C12orf42: variants seen among roughly 807,000 people sequenced by gnomAD.
The protein encoded by C12orf42 is chromosome 12 open reading frame 42, also known as uncharacterized protein C12orf42.
In C12orf42, 25 loss-of-function variants were observed where a neutral mutation model predicts 21.6. That is an observed-to-expected ratio of 1.16 (90% CI 0.84 to 1.62). The LOEUF (loss-of-function observed/expected upper bound fraction) is 1.62, where lower values mean the gene tolerates loss of function less well. Ranked by LOEUF, C12orf42 falls within the 40% of genes most tolerant of loss-of-function variation. C12orf42 has a pLI of 0.00. For synonymous variants in C12orf42, 174 were observed against 175.0 expected (o/e 0.99, Z 0.05); for missense variants, 483 against 459.3 (o/e 1.05, Z -0.47).
the C12orf42 span, among the ~76,000 whole-genome samples, chr12:103,225,090 G>T: frequency 6.8e-6 from 1 of 147,028 alleles, no homozygotes; most frequent in African/African-American, 2.5e-5. Context: ...TGGGTGTCAG[G>T]GTCAGTCTAA....
At chr12:103,133,156 C>G in the C12orf42 span, among the ~76,000 whole-genome samples, 1 of 152,184 alleles carries the variant, frequency 6.6e-6, no homozygotes, top group Non-Finnish European at 1.5e-5. Flanking sequence ...CTCATCCAAC[C>G]TGCTACTACC....
At chr12:103,423,842 T>A (rs1299455645) in intron 2 of C12orf42, among the ~76,000 whole-genome samples, 1 of 152,224 alleles carries the variant, frequency 6.6e-6, no homozygotes, top group East Asian at 1.9e-4. Context: ...GCTCTCGGCA[T>A]CCCCTGTAAA....
intron 10 of C12orf42, among the ~76,000 whole-genome samples, chr12:103,257,542 G>C (rs773977682): frequency 6.6e-6 from 1 of 152,040 alleles, no homozygotes; most frequent in Admixed American, 6.6e-5. Flanking sequence ...TTAAATCTGA[G>C]AACTGAAGTG....
At chr12:103,274,515 A>G (rs1220430373) in intron 5 of C12orf42, among the ~76,000 whole-genome samples, 1 of 152,172 alleles carries the variant, frequency 6.6e-6, no homozygotes, top group South Asian at 2.1e-4. Context: ...AATTCTTCTT[A>G]TAGATCATTC....
At chr12:103,347,569 G>C (rs887220331) in intron 4 of C12orf42, among the ~76,000 whole-genome samples, 30 of 152,212 alleles carry the variant, frequency 2.0e-4, no homozygotes, top group African/African-American at 7.0e-4. Context: ...ATCAACAATA[G>C]CAAGTGAAAA....
chr12:103,318,187 G>T (rs1255711285), intron 4 of C12orf42, among the ~76,000 whole-genome samples: 1 of 152,090 alleles, frequency 6.6e-6, no homozygotes, highest in African/African-American at 2.4e-5. Context: ...TACTCCAGAG[G>T]TTGAGGTAGG....
the C12orf42 span, among the ~76,000 whole-genome samples, chr12:103,208,387 CTT>C: frequency 5.9e-5 from 9 of 152,126 alleles, no homozygotes; most frequent in Admixed American, 5.9e-4. Context: ...ACACAGGTTG[CTT>C]TCTTTGGTGT....
intron 3 of C12orf42, among the ~76,000 whole-genome samples, chr12:103,394,526 A>C (rs1242331760): frequency 6.6e-6 from 1 of 152,244 alleles, no homozygotes; most frequent in East Asian, 1.9e-4. Flanking sequence ...TGTCTCCGCT[A>C]TGCTAATAAT....
chr12:103,174,887 G>A, the C12orf42 span, among the ~76,000 whole-genome samples: 3 of 152,058 alleles, frequency 2.0e-5, no homozygotes, highest in Non-Finnish European at 4.4e-5. Flanking sequence ...CCAATATAAT[G>A]TACATATGGT....
the C12orf42 span, among the ~76,000 whole-genome samples, chr12:103,551,585 G>A: frequency 6.6e-6 from 1 of 152,166 alleles, no homozygotes; most frequent in African/African-American, 2.4e-5. Context: ...GGGAGGCCAA[G>A]GCAGATGGAT....
the C12orf42 span, among the ~76,000 whole-genome samples, chr12:103,123,165 C>T: frequency 4.9e-4 from 74 of 152,142 alleles, no homozygotes; most frequent in Non-Finnish European, 9.0e-4. Flanking sequence ...TTATCGTGGT[C>T]GGTGTGGGCT....
Position 103,404,814 on chromosome 12 carries a change from A to T in C12orf42, c.79-3139T>A, listed in dbSNP as rs2048302907. On this transcript the variant is annotated intron_variant, in intron 2 of 5. Transcript: ENST00000548883. ...TCAGCTAATTAAAGGAGGGAAAAAA[A>T]GCCTTTTGTAACAACAATGATGTGA... is the stretch of plus-strand genomic sequence containing the variant. Among the ~76,000 whole-genome samples, 3 of 152,230 alleles carry T rather than the reference A, an allele frequency of 2.0e-5. No individual in the cohort carries two copies. In the South Asian group the frequency reaches 6.2e-4, roughly 32 times the overall value.
At chr12:103,233,872 A>C (rs1812428931), downstream of C12orf42, among the ~76,000 whole-genome samples, 2 of 152,198 alleles carry the variant, frequency 1.3e-5, no homozygotes, top group South Asian at 2.1e-4. Context: ...AAGTGGTGAA[A>C]AGAGGCATCC....
At chr12:103,073,621 C>A in the C12orf42 span, among the ~76,000 whole-genome samples, 1 of 151,960 alleles carries the variant, frequency 6.6e-6, no homozygotes, top group African/African-American at 2.4e-5. Flanking sequence ...GGTATATGAC[C>A]CCTTCAAACT....
At chr12:103,349,011 G>C (rs1353331780) in intron 4 of C12orf42, 3 of 152,156 alleles carry the variant, frequency 2.0e-5, no homozygotes, top group Non-Finnish European at 4.4e-5. Flanking sequence ...CATACCTCAA[G>C]TAAGTCATCC....
chr12:103,561,390 G>A, the C12orf42 span, among the ~76,000 whole-genome samples: 2 of 152,184 alleles, frequency 1.3e-5, no homozygotes, highest in Non-Finnish European at 2.9e-5. Context: ...GAGGCTGCAA[G>A]TCCAAGATCA....
chr12:103,195,307 C>T, the C12orf42 span, among the ~76,000 whole-genome samples: 2 of 152,072 alleles, frequency 1.3e-5, no homozygotes, highest in African/African-American at 2.4e-5. Flanking sequence ...TGGGTATATA[C>T]CCAGTAATGG....
chr12:103,314,242 G>T (rs2136696763), intron 4 of C12orf42, among the ~76,000 whole-genome samples: 1 of 152,138 alleles, frequency 6.6e-6, no homozygotes. Flanking sequence ...GTGTTGGGAG[G>T]ACAGGAGAGG....
At chr12:103,488,370 G>T (rs1362395780) in intron 1 of C12orf42, among the ~76,000 whole-genome samples, 1 of 152,122 alleles carries the variant, frequency 6.6e-6, no homozygotes, top group East Asian at 1.9e-4. Context: ...CTTTCTCTCT[G>T]GCTTCCCTTA....
Sources: gnomAD v4.1 joint callset for allele counts (sites outside exome capture counted in the v4.1 genomes callset) on GRCh38, gnomAD v4.1.1 for gene constraint, MANE v1.5 for transcripts, NCBI Gene and HGNC (gene_info 2026-07-23, HGNC 2026-07-21) for gene names.